Variants in PDZD2 observed in about 807,000 individuals in gnomAD.
PDZD2 encodes PDZ domain-containing protein 2.
A neutral mutation model predicts 220.7 loss-of-function variants in PDZD2; 90 were observed. The ratio of observed to expected loss-of-function variants is 0.41; its 90% confidence interval spans 0.34 to 0.49. PDZD2 has a LOEUF of 0.49. PDZD2 is among the 20% of genes least tolerant of loss of function. The probability of loss-of-function intolerance (pLI) is 0.28; values close to 1 mark genes in which losing one functional copy is unlikely to be tolerated. For synonymous variants in PDZD2, 1,375 were observed against 1,450.5 expected (o/e 0.95, Z 1.18); for missense variants, 3,174 against 3,608.5 (o/e 0.88, Z 3.08).
intron 3 of PDZD2, among the ~76,000 whole-genome samples, chr5:31,984,804 G>C (rs1581214979): frequency 6.6e-6 from 1 of 152,204 alleles, no homozygotes; most frequent in East Asian, 1.9e-4. Context: ...CTTCATCCTG[G>C]GTGACAGAGC....
At chr5:31,694,980 C>A (rs1747317837) in intron 1 of PDZD2, among the ~76,000 whole-genome samples, 1 of 151,980 alleles carries the variant, frequency 6.6e-6, no homozygotes, top group Non-Finnish European at 1.5e-5. Context: ...AAAAATTAGC[C>A]AGGCGTGGTG....
At chr5:31,962,673 G>A (rs1417589779) in intron 2 of PDZD2, among the ~76,000 whole-genome samples, 2 of 152,202 alleles carry the variant, frequency 1.3e-5, no homozygotes, top group East Asian at 1.9e-4. Context: ...GAGAAGGAGT[G>A]TGGTTTGCAC....
intron 6 of PDZD2, among the ~76,000 whole-genome samples, chr5:32,014,706 CTTTTTTTTTTTTTTTTTTTT>C (rs556276502): frequency 1.0e-5 from 1 of 95,422 alleles, no homozygotes; most frequent in African/African-American, 4.4e-5. Flanking sequence ...ATGACAATTT[CTTTTTTTTTTTTTTTTTTTT>C]TTTTTTTTGA....
chr5:32,100,952 G>C, intron 23 of PDZD2, 153 bp from the exon 24 acceptor site: 2 of 1,602,592 alleles, frequency 1.2e-6, no homozygotes, highest in Non-Finnish European at 1.7e-6. Context: ...CTGGGCTCAA[G>C]TGCTGTTATA....
chr5:31,979,004 T>C (rs1182732570), intron 2 of PDZD2, among the ~76,000 whole-genome samples: 1 of 152,116 alleles, frequency 6.6e-6, no homozygotes, highest in Non-Finnish European at 1.5e-5. Flanking sequence ...TAAAATACTG[T>C]CTCAGTCACA....
intron 24 of PDZD2, among the ~76,000 whole-genome samples, chr5:32,105,887 CTT>C (rs1744714266): frequency 6.6e-6 from 1 of 152,144 alleles, no homozygotes; most frequent in African/African-American, 2.4e-5. Flanking sequence ...TTATTTCTCT[CTT>C]GTGTAAAAAG....
intron 2 of PDZD2, among the ~76,000 whole-genome samples, chr5:31,883,672 G>A (rs907107594): frequency 6.7e-6 from 1 of 149,606 alleles, no homozygotes; most frequent in Non-Finnish European, 1.5e-5. Flanking sequence ...AGGCTGGAGT[G>A]CAGTGGCTTA....
intron 1 of PDZD2, among the ~76,000 whole-genome samples, chr5:31,765,718 G>A (rs1561441902): frequency 6.6e-6 from 1 of 152,182 alleles, no homozygotes; most frequent in Non-Finnish European, 1.5e-5. Context: ...ACAGCATGCT[G>A]TGTGTCCTGG....
At chr5:31,773,615 G>A (rs974292088) in intron 1 of PDZD2, among the ~76,000 whole-genome samples, 10 of 152,104 alleles carry the variant, frequency 6.6e-5, no homozygotes, top group African/African-American at 9.7e-5. Flanking sequence ...ATGCCACAGC[G>A]CTGCAGCTTA....
At chr5:31,644,903 C>T (rs559529406) in intron 1 of PDZD2, among the ~76,000 whole-genome samples, 140 of 152,296 alleles carry the variant, frequency 9.2e-4, no homozygotes, top group Middle Eastern at 6.8e-3. Flanking sequence ...TCATCAAGCC[C>T]TCTAGGTAGG....
intron 1 of PDZD2, among the ~76,000 whole-genome samples, chr5:31,796,637 G>A (rs1754042538): frequency 6.6e-6 from 1 of 152,076 alleles, no homozygotes; most frequent in African/African-American, 2.4e-5. Flanking sequence ...GAGCGGGAGA[G>A]GTGTTATCGC....
At chr5:31,935,014 G>A (rs1457610229) in intron 2 of PDZD2, among the ~76,000 whole-genome samples, 1 of 151,132 alleles carries the variant, frequency 6.6e-6, no homozygotes, top group Non-Finnish European at 1.5e-5. Context: ...CTTGAACCCG[G>A]AAGATGGAGG....
intron 2 of PDZD2, among the ~76,000 whole-genome samples, chr5:31,976,714 C>CTTTTTTTT (rs869280921): frequency 8.0e-5 from 8 of 99,720 alleles, no homozygotes; most frequent in Admixed American, 1.2e-4. Flanking sequence ...TTTCTTCTTT[C>CTTTTTTTT]TTTTTTTTTT....
chr5:31,929,879 C>G (rs1745101957), intron 2 of PDZD2, among the ~76,000 whole-genome samples: 1 of 152,124 alleles, frequency 6.6e-6, no homozygotes, highest in African/African-American at 2.4e-5. Flanking sequence ...GGGGCTGGGG[C>G]CTGGTAGGAG....
At chr5:31,794,147 T>C (rs553386955) in intron 1 of PDZD2, among the ~76,000 whole-genome samples, 4 of 152,152 alleles carry the variant, frequency 2.6e-5, no homozygotes, top group Non-Finnish European at 4.4e-5. Flanking sequence ...GGGGCACAAT[T>C]TCAATCTCTC....
At chr5:31,725,841 A>G in intron 1 of PDZD2, 2 of 804,206 alleles carry the variant, frequency 2.5e-6, no homozygotes, top group African/African-American at 1.7e-5. Flanking sequence ...TCATTGCCGG[A>G]ATGGCTTCTG....
rs57223886 is a variant in PDZD2, at chr5:31,676,658, A to T, written c.-361+37221A>T. Among the ~76,000 whole-genome samples, 888 of 149,438 alleles carry T rather than the reference A, an allele frequency of 5.9e-3. 10 individuals carry two copies. The highest frequency in any genetic ancestry group is 0.021 in the African/African-American group (856 of 40,352). On this transcript the variant is annotated intron_variant, in intron 1 of 24. Transcript: ENST00000438447. ...AACCTCCGCCTCCTGGGTCCAAGCG[A>T]TTCTCCCTCCCTCAGCCTCCCGAGT...
intron 2 of PDZD2, among the ~76,000 whole-genome samples, chr5:31,885,594 G>A (rs1740384035): frequency 6.6e-6 from 1 of 152,140 alleles, no homozygotes; most frequent in Non-Finnish European, 1.5e-5. Context: ...AGAAGGAAGT[G>A]CATTTTTTTA....
intron 2 of PDZD2, among the ~76,000 whole-genome samples, chr5:31,866,197 C>T (rs759160746): frequency 4.0e-5 from 6 of 151,884 alleles, no homozygotes; most frequent in Non-Finnish European, 8.8e-5. Flanking sequence ...TGGGGTTTTG[C>T]CATGTTGTCC....
Sources: gnomAD v4.1 joint callset for allele counts (sites outside exome capture counted in the v4.1 genomes callset) on GRCh38, gnomAD v4.1.1 for gene constraint, MANE v1.5 for transcripts, NCBI Gene and HGNC (gene_info 2026-07-23, HGNC 2026-07-21) for gene names.